Variants in NEK10 observed in about 807,000 individuals in gnomAD.
NEK10 encodes the protein serine/threonine-protein kinase Nek10.
A neutral mutation model predicts 159.8 loss-of-function variants in NEK10; 122 were observed. The ratio of observed to expected loss-of-function variants is 0.76; its 90% CI spans 0.66 to 0.89. The LOEUF is 0.89. Ranked by LOEUF, NEK10 falls within the 40% of genes least tolerant of loss-of-function variation. The pLI is 0.00. For synonymous variants in NEK10, 466 were observed against 457.1 expected, an observed-to-expected ratio of 1.02 and a Z score of -0.25; for missense variants, 1,342 against 1,323.1, an observed-to-expected ratio of 1.01 and a Z score of -0.22.
rs1273049359 is a variant in NEK10 at position 27,109,564 on chromosome 3, C to T, written c.*1708G>A. Reference sequence around the variant, plus strand: ...CTATATACTACCATTTGGGAAATAACTTGATTTCAAACTCTCACCCCACAA... The same window carrying T: ...CTATATACTACCATTTGGGAAATAATTTGATTTCAAACTCTCACCCCACAA... On this transcript the variant is annotated 3_prime_UTR_variant, in exon 36 of 36. Transcript: ENST00000691995. Among the ~76,000 whole-genome samples the T allele has an allele frequency of 6.6e-6, 1 of 152,102 alleles. No homozygotes were observed. The highest frequency in any genetic ancestry group is 2.4e-5 in the African/African-American group (1 of 41,412).
intron 28 of NEK10, among the ~76,000 whole-genome samples, chr3:27,173,953 C>T (rs874032): frequency 0.085 from 12,850 of 151,936 alleles, 1,788 homozygotes; most frequent in African/African-American, 0.29. Context: ...ACATTATGGA[C>T]GGAATTTATA....
chr3:27,344,206 C>G (rs974894179), intron 5 of NEK10, 66 bp downstream of exon 5: 10 of 775,580 alleles, frequency 1.3e-5, no homozygotes, highest in African/African-American at 8.7e-5. Context: ...AAATCATGTT[C>G]TAGAGACAAG....
chr3:27,126,755 G>A (rs1033369133), intron 32 of NEK10, among the ~76,000 whole-genome samples: 2 of 150,008 alleles, frequency 1.3e-5, no homozygotes, highest in Non-Finnish European at 3.0e-5. Flanking sequence ...GAATCACCTG[G>A]GAGCAAAAAA....
At chr3:27,312,962 T>C (rs1284526796) in intron 7 of NEK10, among the ~76,000 whole-genome samples, 1 of 152,200 alleles carries the variant, frequency 6.6e-6, no homozygotes, top group Non-Finnish European at 1.5e-5. Context: ...GGCCACATGT[T>C]TATTATGAAA....
At position 27,221,005 on chromosome 3, in the gene NEK10, T is replaced by C. The variant is rs1003266925; in HGVS notation, c.2091-18448A>G. Among the ~76,000 whole-genome samples, 4 of 152,286 alleles carry C rather than the reference T, an allele frequency of 2.6e-5. No homozygotes were observed. In the East Asian group the frequency reaches 5.8e-4, roughly 22 times the overall value. Reference sequence around the variant, plus strand: ...GAAGTTGGAACCTTACCTCATACCATATGCAAAAATTAATGCTAAATGAGT... The same window carrying C: ...GAAGTTGGAACCTTACCTCATACCACATGCAAAAATTAATGCTAAATGAGT... On this transcript the variant is annotated intron_variant, in intron 23 of 35. Transcript: ENST00000691995.
chr3:27,217,008 T>G (rs1319407332), intron 23 of NEK10, among the ~76,000 whole-genome samples: 2 of 152,026 alleles, frequency 1.3e-5, no homozygotes, highest in Non-Finnish European at 2.9e-5. Flanking sequence ...ACCAAAAACT[T>G]TGAAATAAAA....
chr3:27,348,288 A>T (rs1160417974), intron 3 of NEK10, among the ~76,000 whole-genome samples: 1 of 152,216 alleles, frequency 6.6e-6, no homozygotes, highest in Non-Finnish European at 1.5e-5. Flanking sequence ...GCCAGCACAG[A>T]GAAAGCAAGC....
At chr3:27,308,115 C>T (rs1277340209) in intron 10 of NEK10, among the ~76,000 whole-genome samples, 170 bp from the exon 11 acceptor site, 12 of 152,142 alleles carry the variant, frequency 7.9e-5, no homozygotes, top group Non-Finnish European at 1.6e-4. Context: ...AGGAAACTTA[C>T]AGTCATGGTG....
chr3:27,340,956 C>A, intron 5 of NEK10, among the ~76,000 whole-genome samples: 1 of 151,966 alleles, frequency 6.6e-6, no homozygotes, highest in Admixed American at 6.6e-5. Flanking sequence ...TTAGTGTACA[C>A]CAACAAACAA....
chr3:27,193,264 A>G lies in NEK10; in HGVS notation c.2292-1022T>C, dbSNP rs148951102. Among the ~76,000 whole-genome samples, 951 of 152,342 alleles carry G rather than the reference A, an allele frequency of 6.2e-3. 7 individuals are homozygous for G. The highest frequency in any genetic ancestry group is 0.011 in the Non-Finnish European group (716 of 68,038). On this transcript the variant is annotated intron_variant, in intron 25 of 35. Transcript: ENST00000691995. Reference sequence around the variant, plus strand: ...ATCCCACAGCTATTTGGCTATTACAACGTCACTTACTTGGACTACTGAAAG... The same window carrying G: ...ATCCCACAGCTATTTGGCTATTACAGCGTCACTTACTTGGACTACTGAAAG...
chr3:27,259,336 G>T (rs985894498), intron 22 of NEK10, among the ~76,000 whole-genome samples: 1 of 152,124 alleles, frequency 6.6e-6, no homozygotes, highest in Non-Finnish European at 1.5e-5. Flanking sequence ...TTCTTCTAGG[G>T]TTTTTATGGT....
At chr3:27,195,162 G>C (rs1191525823) in intron 25 of NEK10, among the ~76,000 whole-genome samples, 5 of 152,144 alleles carry the variant, frequency 3.3e-5, no homozygotes, top group African/African-American at 1.2e-4. Flanking sequence ...ATAATTTTTA[G>C]GAATGATTAT....
chr3:27,192,191 C>T lies in NEK10; in HGVS notation c.2343G>A (p.Ser781=), dbSNP rs775526801. ...ATTTCATCATGACATCTGATATCAT[C>T]GAACTGACTTCTACAATATCTGGAC... ...EARPDIVEVS[S]MISDVMMKYL... The change falls in exon 26 of 36, where the codon TCG becomes TCA. Residue 781 remains serine (S), a synonymous_variant. Transcript: ENST00000691995. 1.3e-5 allele frequency: 21 copies of T among 1,614,018 alleles called. No homozygotes were observed. The highest frequency in any genetic ancestry group is 1.1e-5 in the South Asian group (1 of 91,078).
At chr3:27,138,571 T>C (rs536831757) in intron 31 of NEK10, among the ~76,000 whole-genome samples, 69 of 152,300 alleles carry the variant, frequency 4.5e-4, no homozygotes, top group African/African-American at 1.6e-3. Context: ...CTCATCATAG[T>C]TAATAATTCT....
intron 23 of NEK10, among the ~76,000 whole-genome samples, chr3:27,247,568 C>G (rs1448215037): frequency 6.6e-6 from 1 of 151,832 alleles, no homozygotes; most frequent in East Asian, 1.9e-4. Flanking sequence ...GAGACAGAGT[C>G]TCTGTCACCC....
intron 3 of NEK10, 128 bp from the exon 4 acceptor site, chr3:27,346,344 T>A: frequency 1.1e-6 from 1 of 934,464 alleles, no homozygotes; most frequent in Non-Finnish European, 1.6e-6. Flanking sequence ...AACAACCCTT[T>A]CAAATGTAAG....
At position 27,200,881 on chromosome 3, in the gene NEK10, T is replaced by C. The variant is rs990894601; in HGVS notation, c.2291+629A>G. On this transcript the variant is annotated intron_variant, in intron 25 of 35. Coordinates refer to ENST00000691995, the MANE Select transcript of NEK10 (RefSeq NM_001394966.1). ...CAAGGGCAAAAGTCTAGAAGGAGGG[T>C]GCATGCCAGGACTAGTGGGAAGCAC... 4.6e-5 allele frequency among the ~76,000 whole-genome samples: 7 copies of C among 151,766 alleles called. No individual in the cohort carries two copies. In the East Asian group the frequency reaches 1.4e-3, roughly 29 times the overall value.
chr3:27,161,003 G>T (rs1405433186), intron 30 of NEK10, among the ~76,000 whole-genome samples: 1 of 152,134 alleles, frequency 6.6e-6, no homozygotes, highest in African/African-American at 2.4e-5. Context: ...AAACTGTAGG[G>T]ATAAGAAAGA....
At chr3:27,279,924 C>T (rs2042030731) in intron 22 of NEK10, among the ~76,000 whole-genome samples, 1 of 152,048 alleles carries the variant, frequency 6.6e-6, no homozygotes, top group Admixed American at 6.5e-5. Context: ...AATCCCAGCA[C>T]TTTGGGAGGC....
Sources: gnomAD v4.1 joint callset for allele counts (sites outside exome capture counted in the v4.1 genomes callset) on GRCh38, gnomAD v4.1.1 for gene constraint, MANE v1.5 for transcripts, NCBI Gene and HGNC (gene_info 2026-07-23, HGNC 2026-07-21) for gene names.